The following MDN1 variants were observed in gnomAD, a reference collection of about 807,000 sequenced individuals.
MDN1 encodes the protein midasin.
In MDN1, 266 loss-of-function variants were observed where a neutral mutation model predicts 669.2. That is an observed-to-expected ratio of 0.40 (90% CI 0.36 to 0.44). The LOEUF (loss-of-function observed/expected upper bound fraction) is 0.44, where lower values mean the gene tolerates loss of function less well. Ranked by LOEUF, MDN1 falls within the 20% of genes least tolerant of loss-of-function variation. The pLI is 1.00. For synonymous variants in MDN1, 2,385 were observed against 2,457.1 expected (o/e 0.97, Z 0.87); for missense variants, 5,940 against 6,754.0 (o/e 0.88, Z 4.22).
intron 1 of MDN1, among the ~76,000 whole-genome samples, chr6:89,811,335 G>T (rs866016999): frequency 2.6e-5 from 4 of 152,124 alleles, no homozygotes; most frequent in Non-Finnish European, 5.9e-5. Context: ...TTCTCCTTCT[G>T]TAAGCCCAGG....
intron 99 of MDN1, among the ~76,000 whole-genome samples, 166 bp from the exon 100 acceptor site, chr6:89,646,769 A>G (rs1562028579): frequency 6.6e-6 from 1 of 152,156 alleles, no homozygotes; most frequent in Non-Finnish European, 1.5e-5. Flanking sequence ...TTAAAAAAGG[A>G]GGATCCTTGG....
intron 51 of MDN1, 140 bp from the exon 52 acceptor site, chr6:89,707,616 A>G: frequency 1.6e-6 from 1 of 644,750 alleles, no homozygotes; most frequent in East Asian, 2.7e-5. Flanking sequence ...ATCTTGGACT[A>G]AAGAGATGGA....
chr6:89,773,990 A>G (rs1818234848), intron 13 of MDN1, among the ~76,000 whole-genome samples: 1 of 151,838 alleles, frequency 6.6e-6, no homozygotes, highest in African/African-American at 2.4e-5. Context: ...AAAAGAAAAG[A>G]AAAGAAAGAA....
At position 89,669,255 on chromosome 6, in the gene MDN1, C is replaced by G. The variant is rs186339542; in HGVS notation, c.13957-1104G>C. 1.3e-3 allele frequency among the ~76,000 whole-genome samples: 197 copies of G among 152,300 alleles called. 3 individuals are homozygous for G. Among genetic ancestry groups the G allele is most frequent in the African/African-American group, 4.6e-3 (192 of 41,562 alleles). On this transcript the variant is annotated intron_variant, in intron 83 of 101. Transcript: ENST00000369393. Reference sequence around the variant, plus strand: ...CAGCTGAGCCAAATCTCAAGGCACCCGAACCACACATTTTCCTGCCACTAT... The same window carrying G: ...CAGCTGAGCCAAATCTCAAGGCACCGGAACCACACATTTTCCTGCCACTAT...
intron 46 of MDN1, among the ~76,000 whole-genome samples, chr6:89,714,031 T>A (rs1294090052): frequency 9.5e-5 from 14 of 147,940 alleles, no homozygotes; most frequent in Admixed American, 6.7e-5. Context: ...AGAGTGAGAC[T>A]CTGTCTCAAA....
At chr6:89,670,170 A>ATATATATATATATTTTTT (rs1444537561) in intron 83 of MDN1, among the ~76,000 whole-genome samples, 4 of 23,408 alleles carry the variant, frequency 1.7e-4, no homozygotes, top group Non-Finnish European at 1.8e-4. Flanking sequence ...ATATATATAT[A>ATATATATATATATTTTTT]TTTTTTTTTT....
At chr6:89,704,591 G>T (rs1364726270) in intron 53 of MDN1, among the ~76,000 whole-genome samples, 1 of 152,066 alleles carries the variant, frequency 6.6e-6, no homozygotes, top group East Asian at 1.9e-4. Context: ...CTAGGCCAAT[G>T]AATTTTCTTT....
At position 89,781,403 on chromosome 6, in the gene MDN1, G is replaced by A. The variant is rs1349685051; in HGVS notation, c.1639C>T (p.Leu547=). The A allele has an allele frequency of 1.9e-6, 3 of 1,613,384 alleles. No individual in the cohort carries two copies. The highest frequency in any genetic ancestry group is 1.7e-5 in the Admixed American group (1 of 59,982). ...RPTLEGRELS[L]RDLLNWCNRI... ...AAAAACTGTTTAGTCCAGTACCTTAGAGATAATTCTCTTCCCTCAAGGGTT... is the reference window on the plus strand; with the variant it reads ...AAAAACTGTTTAGTCCAGTACCTTAAAGATAATTCTCTTCCCTCAAGGGTT... The change falls in exon 10 of 102, where the codon CTA becomes TTA. Residue 547 remains leucine (L), a synonymous_variant. Transcript: ENST00000369393.
chr6:89,777,265 A>C (rs1326409624), intron 11 of MDN1, among the ~76,000 whole-genome samples: 1 of 152,206 alleles, frequency 6.6e-6, no homozygotes, highest in African/African-American at 2.4e-5. Context: ...TATTTACAGA[A>C]AATATGAGAG....
At chr6:89,677,474 T>C in intron 76 of MDN1, 96 bp downstream of exon 76, 1 of 1,485,516 alleles carries the variant, frequency 6.7e-7, no homozygotes, top group Non-Finnish European at 9.2e-7. Flanking sequence ...GTGGTATTGC[T>C]ATCCCTATTT....
At chr6:89,700,366 G>C in intron 56 of MDN1, 72 bp from the exon 57 acceptor site, 1 of 1,192,274 alleles carries the variant, frequency 8.4e-7, no homozygotes, top group Non-Finnish European at 1.2e-6. Context: ...TCAACAACCT[G>C]CTATGTGACT....
Position 89,654,236 on chromosome 6 carries a change from C to T in MDN1, c.15589G>A (p.Glu5197Lys). 3 of 1,614,230 alleles carry T rather than the reference C, an allele frequency of 1.9e-6. No homozygotes were observed. Among genetic ancestry groups the T allele is most frequent in the Non-Finnish European group, 2.5e-6 (3 of 1,180,040 alleles). ...TCCACGTCTGCTGCTTTGAACTCCTCCTGCTCCTCTGTGTCCATAAGGGTG... is the reference window on the plus strand; with the variant it reads ...TCCACGTCTGCTGCTTTGAACTCCTTCTGCTCCTCTGTGTCCATAAGGGTG... ...EDTLMDTEEQ[E>K]EFKAADVEQL... Residue 5197 changes from glutamate (E) to lysine (K), a missense_variant, in exon 93 of 102, where the codon GAG (glutamate) becomes AAG (lysine). Physicochemically the swap from Glu to Lys is moderately conservative, Grantham distance 56 (BLOSUM62 1). Coordinates refer to ENST00000369393, the MANE Select transcript of MDN1 (RefSeq NM_014611.3).
Position 89,684,905 on chromosome 6 carries a change from G to A in MDN1, c.11800C>T (p.Leu3934Phe). Residue 3934 changes from leucine to phenylalanine, a missense_variant, in exon 71 of 102, where the codon CTT becomes TTT. Transcript: ENST00000369393. ...FDRVQAKIVELRSPLEKELKE... is the reference protein window; with the variant it reads ...FDRVQAKIVEFRSPLEKELKE... ...AGTTCTTTTTCTAGGGGGGAACGAA[G>A]TTCCACAATTTTGGCCTGGACCCGG... 1 of 1,611,870 alleles carries A rather than the reference G, an allele frequency of 6.2e-7. No individual in the cohort carries two copies. The highest frequency in any genetic ancestry group is 8.5e-7 in the Non-Finnish European group (1 of 1,177,962).
At position 89,683,997 on chromosome 6, in the gene MDN1, C is replaced by T. The variant is rs915824572; in HGVS notation, c.11830-93G>A. 3.2e-6 allele frequency: 3 copies of T among 937,168 alleles called. No homozygotes were observed. In the African/African-American group the frequency reaches 4.9e-5, roughly 15 times the overall value. 58.1% of individuals were successfully genotyped at this position (937,168 alleles called of 1,614,324 possible). On this transcript the variant is annotated intron_variant, in intron 71 of 101. Coordinates refer to ENST00000369393, the MANE Select transcript of MDN1 (RefSeq NM_014611.3). ...TCTGTTCAGCAAAGACCAGAGCTCA[C>T]TCTATCCCAAACACAGGACTGTGTG... is the stretch of plus-strand genomic sequence containing the variant.
intron 8 of MDN1, among the ~76,000 whole-genome samples, chr6:89,787,535 T>C (rs1347085243): frequency 3.3e-5 from 5 of 152,130 alleles, no homozygotes; most frequent in Admixed American, 1.3e-4. Flanking sequence ...AAGGTATACA[T>C]AGGTACTAAG....
intron 24 of MDN1, among the ~76,000 whole-genome samples, chr6:89,750,077 C>A (rs1466751525): frequency 1.3e-5 from 2 of 152,208 alleles, no homozygotes; most frequent in Non-Finnish European, 2.9e-5. Flanking sequence ...CTAACACTAA[C>A]CCCATTCTCT....
Position 89,671,029 on chromosome 6 carries a change from TG to T in MDN1, c.13845del (p.Ser4616AlafsTer10). ...SLLVRLVPVL[S>X]SYSDLVLFFL... The stretch of plus-strand genomic sequence containing the variant: ...AAGAAGAGGACGAGGTCTGAGTAGC[TG>T]GAGAGGACCGGCACCAGGCGCACCA... On this transcript the variant is annotated frameshift_variant, in exon 83 of 102. Coordinates refer to ENST00000369393, the MANE Select transcript of MDN1 (RefSeq NM_014611.3). LOFTEE classifies it high-confidence loss of function. 6.2e-7 allele frequency: 1 copy of T among 1,614,028 alleles called. No homozygotes were observed. The highest frequency in any genetic ancestry group is 1.7e-5 in the Admixed American group (1 of 60,012).
At chr6:89,798,133 G>C (rs1400234130) in intron 2 of MDN1, among the ~76,000 whole-genome samples, 1 of 136,612 alleles carries the variant, frequency 7.3e-6, no homozygotes, top group Non-Finnish European at 1.5e-5. Context: ...AGTGAGCCGA[G>C]ATCGTGCCAC....
chr6:89,720,410 A>T (rs957422347), intron 40 of MDN1, among the ~76,000 whole-genome samples: 4 of 152,230 alleles, frequency 2.6e-5, no homozygotes, highest in African/African-American at 4.8e-5. Flanking sequence ...AAAAAAAAAA[A>T]AAAAAAATTC....
Sources: gnomAD v4.1 joint callset for allele counts (sites outside exome capture counted in the v4.1 genomes callset) on GRCh38, gnomAD v4.1.1 for gene constraint, MANE v1.5 for transcripts, NCBI Gene and HGNC (gene_info 2026-07-23, HGNC 2026-07-21) for gene names.